Variants in GALNT18 observed in about 807,000 individuals in gnomAD.
GALNT18 encodes polypeptide N-acetylgalactosaminyltransferase 18, also known as GalNAc-transferase 18.
In GALNT18, 44 loss-of-function variants were observed where a neutral mutation model predicts 69.5. The ratio of observed to expected loss-of-function variants is 0.63; its 90% confidence interval spans 0.50 to 0.81. GALNT18 has a LOEUF of 0.81. GALNT18 is among the 40% of genes least tolerant of loss of function. GALNT18 has a pLI of 0.00. For missense variants in GALNT18, 715 were observed against 810.0 expected (o/e 0.88, Z 1.42); for synonymous variants, 364 against 318.2 (o/e 1.14, Z -1.53).
chr11:11,340,710 G>T lies in GALNT18; in HGVS notation c.1278+109C>A. On this transcript the variant is annotated intron_variant, in intron 7 of 10. Coordinates refer to ENST00000227756, the MANE Select transcript of GALNT18 (RefSeq NM_198516.3). This position sits in a 1 kb window ranked among gnomAD's most constrained non-coding sequence, Gnocchi z 4.2. ...TGGGGTTGAGAGTCCATTCTTGCATGGCAAACAGGACTCTGGCTGACCCAT... is the reference window on the plus strand; with the variant it reads ...TGGGGTTGAGAGTCCATTCTTGCATTGCAAACAGGACTCTGGCTGACCCAT... 9.5e-7 allele frequency: 1 copy of T among 1,049,582 alleles called. No homozygotes were observed. The highest frequency in any genetic ancestry group is 1.7e-5 in the South Asian group (1 of 57,362). The allele number at this position is 1,049,582 out of a possible 1,614,324, so 65.0% of individuals were successfully genotyped here. A position where few individuals can be genotyped will look rare whatever the true frequency, so the allele number is the denominator to read the frequency against.
chr11:11,484,058 C>T (rs146430658), intron 1 of GALNT18, among the ~76,000 whole-genome samples: 6 of 152,264 alleles, frequency 3.9e-5, no homozygotes, highest in African/African-American at 1.4e-4. Flanking sequence ...ATGCATTTCT[C>T]ATTCACCTTG....
chr11:11,328,044 C>T (rs908927814), intron 8 of GALNT18, among the ~76,000 whole-genome samples: 1 of 151,234 alleles, frequency 6.6e-6, no homozygotes, highest in Non-Finnish European at 1.5e-5. Flanking sequence ...GGGTGGTGGC[C>T]ACTAGAATTG....
rs1554932034 is a variant in GALNT18 at position 11,419,619 on chromosome 11, A to AAAAAAAGAAAG, written c.595+13001_595+13002insCTTTCTTTTTT. The stretch of plus-strand genomic sequence containing the variant: ...CTCAAAAAAAAAAAAAAAAAAAAAA[A>AAAAAAAGAAAG]AAAGAAAGAAGGAAAAGAAACCATG... On this transcript the variant is annotated intron_variant, in intron 3 of 10. Coordinates refer to ENST00000227756, the MANE Select transcript of GALNT18 (RefSeq NM_198516.3). 6.3e-4 allele frequency among the ~76,000 whole-genome samples: 81 copies of AAAAAAAGAAAG among 128,428 alleles called. 3 individuals carry two copies. The highest frequency in any genetic ancestry group is 9.7e-4 in the Non-Finnish European group (58 of 60,026). 84.3% of individuals were successfully genotyped at this position (128,428 alleles called of 152,430 possible). A position where few individuals can be genotyped will look rare whatever the true frequency, so the allele number is the denominator to read the frequency against.
At position 11,389,254 on chromosome 11, in the gene GALNT18, C is replaced by T. The variant is rs1391303559; in HGVS notation, c.596-9990G>A. On this transcript the variant is annotated intron_variant, in intron 3 of 10. Transcript: ENST00000227756. This position sits in a 1 kb window ranked among gnomAD's most constrained non-coding sequence, Gnocchi z 4.3. ...CTTGGCTCTTTTCCAGTCTGTCCAG[C>T]AGCCTTCCGAAGGAGTCAGCTTTGT... Among the ~76,000 whole-genome samples, 1 of 152,246 alleles carries T rather than the reference C, an allele frequency of 6.6e-6. No homozygotes were observed. Among genetic ancestry groups the T allele is most frequent in the Non-Finnish European group, 1.5e-5 (1 of 68,034 alleles).
At chr11:11,327,660 T>C (rs1849947568) in intron 8 of GALNT18, among the ~76,000 whole-genome samples, 1 of 152,134 alleles carries the variant, frequency 6.6e-6, no homozygotes, top group African/African-American at 2.4e-5. Flanking sequence ...GCCCACTGCT[T>C]AGGGTCTTCC....
intron 1 of GALNT18, among the ~76,000 whole-genome samples, chr11:11,515,770 C>T (rs1224474329): frequency 2.6e-5 from 4 of 152,144 alleles, no homozygotes; most frequent in Non-Finnish European, 5.9e-5. Context: ...AAGAGCATTC[C>T]CAGGAGCAGG....
At chr11:11,545,532 T>C (rs1403242648) in intron 1 of GALNT18, among the ~76,000 whole-genome samples, 1 of 152,202 alleles carries the variant, frequency 6.6e-6, no homozygotes, top group Non-Finnish European at 1.5e-5. Context: ...GATAAGCGCG[T>C]GCACAGTGTA....
chr11:11,427,687 G>A (rs1173105914), intron 3 of GALNT18, among the ~76,000 whole-genome samples: 5 of 152,140 alleles, frequency 3.3e-5, no homozygotes, highest in Non-Finnish European at 2.9e-5. Context: ...AAAGCTGGCC[G>A]AATGCCAAAT....
chr11:11,445,661 T>A (rs1046614494), intron 2 of GALNT18, among the ~76,000 whole-genome samples: 2 of 152,154 alleles, frequency 1.3e-5, no homozygotes, highest in Non-Finnish European at 2.9e-5. Flanking sequence ...CAAGTACATG[T>A]GCAAAGAGAA....
rs780912142 is a variant in GALNT18 at position 11,379,174 on chromosome 11, T to C, written c.686A>G (p.Glu229Gly). The change falls in exon 4 of 11, where the codon GAA (glutamate) becomes GGA (glycine). Residue 229 changes from glutamate (E) to glycine (G), a missense_variant. Glu to Gly is a moderately conservative substitution (Grantham distance 98). Coordinates refer to ENST00000227756, the MANE Select transcript of GALNT18 (RefSeq NM_198516.3). The part of the protein sequence containing the change: ...FIKVVRHSKQ[E>G]GLIRSRVSGW... ...ACTGACCCTGGAGCGGATGAGGCCT[T>C]CCTGCTTGCTGTGACGCACGACTTT... The C allele has an allele frequency of 2.5e-6, 4 of 1,612,430 alleles. No homozygotes were observed. Among genetic ancestry groups the C allele is most frequent in the Non-Finnish European group, 3.4e-6 (4 of 1,180,018 alleles).
chr11:11,530,450 C>A (rs1245053719), intron 1 of GALNT18, among the ~76,000 whole-genome samples: 1 of 152,198 alleles, frequency 6.6e-6, no homozygotes, highest in South Asian at 2.1e-4. Flanking sequence ...TCTGGGAAGA[C>A]CCTGCTCAAA....
Position 11,614,939 on chromosome 11 carries a change from G to A in GALNT18, c.235+6420C>T, listed in dbSNP as rs971271113. ...TTCTTTGGTCACGGGGAAAAGTTGT[G>A]TCCTTTGGCAAGGCTTTTCTTCTTC... On this transcript the variant is annotated intron_variant, in intron 1 of 10. Transcript: ENST00000227756. This position sits in a 1 kb window ranked among gnomAD's most constrained non-coding sequence, Gnocchi z 5.6. Among the ~76,000 whole-genome samples, 2 of 152,194 alleles carry A rather than the reference G, an allele frequency of 1.3e-5. No individual in the cohort carries two copies. Among genetic ancestry groups the A allele is most frequent in the African/African-American group, 4.8e-5 (2 of 41,456 alleles).
chr11:11,274,384 A>G (rs540478062), intron 10 of GALNT18, among the ~76,000 whole-genome samples: 1 of 152,292 alleles, frequency 6.6e-6, no homozygotes, highest in African/African-American at 2.4e-5. Context: ...CCAGGGAGCC[A>G]AGTGGTCTGG....
At chr11:11,529,093 T>A (rs1857583409) in intron 1 of GALNT18, among the ~76,000 whole-genome samples, 1 of 152,194 alleles carries the variant, frequency 6.6e-6, no homozygotes. Flanking sequence ...TACCAAAAGT[T>A]CCAGGAGGTA....
At chr11:11,417,381 G>A (rs879425387) in intron 3 of GALNT18, among the ~76,000 whole-genome samples, 4 of 152,208 alleles carry the variant, frequency 2.6e-5, no homozygotes, top group African/African-American at 4.8e-5. Flanking sequence ...GGAGGAAAGA[G>A]TGCAAGAGGG....
At chr11:11,386,713 C>T (rs1854067720) in intron 3 of GALNT18, among the ~76,000 whole-genome samples, 1 of 152,052 alleles carries the variant, frequency 6.6e-6, no homozygotes, top group Admixed American at 6.6e-5. Context: ...AGATATAGCT[C>T]CTATTATTAT....
chr11:11,567,029 A>C (rs141806497), intron 1 of GALNT18, among the ~76,000 whole-genome samples: 131 of 152,314 alleles, frequency 8.6e-4, no homozygotes, highest in Non-Finnish European at 1.5e-3. Context: ...AACAGCCTGG[A>C]GGACAGCTTC....
rs532895877 is a variant in GALNT18, at chr11:11,343,807, G to A, written c.1093-2803C>T. ...TATTACAAGACCTGCTTCTTAAAGA[G>A]TAGGTTCACCATTTCACCTTAGAGT... On this transcript the variant is annotated intron_variant, in intron 6 of 10. Transcript: ENST00000227756. Among the ~76,000 whole-genome samples, 5 of 152,334 alleles carry A rather than the reference G, an allele frequency of 3.3e-5. No individual in the cohort carries two copies. In the South Asian group the frequency reaches 1.0e-3, roughly 32 times the overall value.
chr11:11,552,900 C>T (rs1858235089), intron 1 of GALNT18, among the ~76,000 whole-genome samples: 1 of 152,166 alleles, frequency 6.6e-6, no homozygotes, highest in African/African-American at 2.4e-5. Flanking sequence ...CCCTGACACC[C>T]CACCCACATT....
Sources: gnomAD v4.1 joint callset for allele counts (sites outside exome capture counted in the v4.1 genomes callset) on GRCh38, gnomAD v4.1.1 for gene constraint, Gnocchi (gnomAD v3.1) non-coding constraint, MANE v1.5 for transcripts, NCBI Gene and HGNC (gene_info 2026-07-23, HGNC 2026-07-21) for gene names.